The following RAC3 variants were observed in gnomAD, a reference collection of about 807,000 sequenced individuals.
RAC3 encodes ras-related C3 botulinum toxin substrate 3.
Under a neutral mutation model 19.0 loss-of-function variants are expected in RAC3, and 9 were observed. That is an observed-to-expected ratio of 0.47 (90% confidence interval 0.29 to 0.83). The LOEUF (loss-of-function observed/expected upper bound fraction) is 0.83. RAC3 is among the 40% of genes least tolerant of loss of function. The probability of loss-of-function intolerance (pLI) is 0.09; values close to 1 mark genes in which losing one functional copy is unlikely to be tolerated. For missense variants in RAC3, 203 were observed against 260.8 expected (o/e 0.78, Z 1.53); for synonymous variants, 146 against 111.8 (o/e 1.31, Z -1.93).
Position 82,032,518 on chromosome 17 carries a change from G to C in RAC3, c.107+60G>C, listed in dbSNP as rs1474024277. 4.4e-6 allele frequency: 7 copies of C among 1,582,186 alleles called. No homozygotes were observed. The South Asian group carries it at 4.4e-5, about 10-fold the overall frequency. On this transcript the variant is annotated intron_variant, in intron 2 of 5. Coordinates refer to ENST00000306897, the MANE Select transcript of RAC3 (RefSeq NM_005052.3). ...CTCCGTGTGAGTGTGGCATGGGGGG[G>C]ACACGGGCAGGGTCTCCTCTGGGCT... is the stretch of plus-strand genomic sequence containing the variant.
intron 1 of RAC3, 110 bp downstream of exon 1, chr17:82,031,906 G>C (rs2043433495): frequency 1.8e-6 from 1 of 560,866 alleles, no homozygotes; most frequent in Admixed American, 6.7e-5. Context: ...CTCGCGAGGC[G>C]GCCCCGCCGT....
chr17:82,032,833 GTAACAA>G lies in RAC3; in HGVS notation c.225+7_225+12del. ...CCACTCTCCTACCCCCAAACTGTAC[GTAACAA>G]TGGGGCCAGCCCCGGGAGCTGGGGG... On this transcript the variant is annotated splice_donor_region_variant and intron_variant, in intron 3 of 5. Transcript: ENST00000306897. The G allele has an allele frequency of 6.2e-7, 1 of 1,612,748 alleles. No individual in the cohort carries two copies. Among genetic ancestry groups the G allele is most frequent in the Non-Finnish European group, 8.5e-7 (1 of 1,179,658 alleles).
rs1330969062 is a variant in RAC3, at chr17:82,033,327, G to A, written c.289-113G>A. 5.5e-6 allele frequency: 7 copies of A among 1,263,048 alleles called. No individual in the cohort carries two copies. Among genetic ancestry groups the A allele is most frequent in the Non-Finnish European group, 7.5e-6 (7 of 938,130 alleles). The allele number at this position is 1,263,048 out of a possible 1,614,324, so 78.2% of individuals were successfully genotyped here. A position where few individuals can be genotyped will look rare whatever the true frequency, so the allele number is the denominator to read the frequency against. On this transcript the variant is annotated intron_variant, in intron 4 of 5. Coordinates refer to ENST00000306897, the MANE Select transcript of RAC3 (RefSeq NM_005052.3). The surrounding 1 kb of genome is among the most constrained non-coding windows in gnomAD (Gnocchi z 6.2). ...CCCTGGTCACCCCTTGAAGGAAGAA[G>A]AGCCAAGTGTAGCTCTGGAACAGTG...
In RAC3 at chr17:82,034,156, G is replaced by A. The variant is rs1327992921; in HGVS notation, c.*327G>A. Reference sequence around the variant, plus strand: ...GGGAGTTCTGTTCCTTGTGCCCCGAGGTGGGGCAGCCCCTTCTCATTTTAT... The same window carrying A: ...GGGAGTTCTGTTCCTTGTGCCCCGAAGTGGGGCAGCCCCTTCTCATTTTAT... On this transcript the variant is annotated 3_prime_UTR_variant, in exon 6 of 6. Coordinates refer to ENST00000306897, the MANE Select transcript of RAC3 (RefSeq NM_005052.3). 3 of 253,776 alleles carry A rather than the reference G, an allele frequency of 1.2e-5. No homozygotes were observed. Among genetic ancestry groups the A allele is most frequent in the Non-Finnish European group, 2.3e-5 (3 of 130,392 alleles). The allele number at this position is 253,776 out of a possible 1,614,324, so 15.7% of individuals were successfully genotyped here.
intron 1 of RAC3, 194 bp from the exon 2 acceptor site, chr17:82,032,193 C>T (rs578193616): frequency 3.3e-6 from 2 of 601,098 alleles, no homozygotes; most frequent in East Asian, 5.6e-5. Flanking sequence ...CCCTTATTCA[C>T]CACCCCAGCC....
rs371297819 is a variant in RAC3, at chr17:82,032,480, G to T, written c.107+22G>T. ...CCGTGTGAGTGTGGGGGCTTCCCGGGAGAGCACAGGCCCTCCGTGTGAGTG... is the reference window on the plus strand; with the variant it reads ...CCGTGTGAGTGTGGGGGCTTCCCGGTAGAGCACAGGCCCTCCGTGTGAGTG... On this transcript the variant is annotated intron_variant, in intron 2 of 5. Coordinates refer to ENST00000306897, the MANE Select transcript of RAC3 (RefSeq NM_005052.3). 6.1e-5 allele frequency: 99 copies of T among 1,610,678 alleles called. No individual in the cohort carries two copies. In the East Asian group the frequency reaches 2.0e-3, roughly 32 times the overall value.
In RAC3 at chr17:82,032,473, T is replaced by C. The variant is rs1292125061; in HGVS notation, c.107+15T>C. On this transcript the variant is annotated intron_variant, in intron 2 of 5. Coordinates refer to ENST00000306897, the MANE Select transcript of RAC3 (RefSeq NM_005052.3). Reference sequence around the variant, plus strand: ...ATCCCCACCGTGTGAGTGTGGGGGCTTCCCGGGAGAGCACAGGCCCTCCGT... The same window carrying C: ...ATCCCCACCGTGTGAGTGTGGGGGCCTCCCGGGAGAGCACAGGCCCTCCGT... The C allele has an allele frequency of 1.2e-6, 2 of 1,611,644 alleles. No homozygotes were observed. The highest frequency in any genetic ancestry group is 2.7e-5 in the African/African-American group (2 of 75,026).
rs561408315 is a variant in RAC3 at position 82,032,362 on chromosome 17, G to A, written c.36-25G>A. 4 of 1,611,692 alleles carry A rather than the reference G, an allele frequency of 2.5e-6. No individual in the cohort carries two copies. In the South Asian group the frequency reaches 3.3e-5, roughly 13 times the overall value. On this transcript the variant is annotated intron_variant, in intron 1 of 5. Transcript: ENST00000306897. ...AGAGGGTCCGAGGCCGGGCCCGGGA[G>A]CCACGTGGCTTGCCCTGTCCGCAGC...
At chr17:82,031,903 G>C in intron 1 of RAC3, 107 bp downstream of exon 1, 1 of 605,446 alleles carries the variant, frequency 1.7e-6, no homozygotes. Context: ...GTCCTCGCGA[G>C]GCGGCCCCGC....
In RAC3 at chr17:82,033,564, C is replaced by T. The variant is rs759289519; in HGVS notation, c.413C>T (p.Thr138Ile). ...RLRDKKLAPI[T>I]YPQGLAMARE... ...CGGGACAAGAAGCTGGCACCCATCA[C>T]CTACCCACAGGGCCTGGCCATGGCC... The change falls in exon 5 of 6, where the codon ACC becomes ATC. Residue 138 changes from threonine to isoleucine, a missense_variant. Physicochemically the swap from Thr to Ile is moderately conservative, Grantham distance 89. Around this residue, in one of 3 missense-constraint regions of RAC3, gnomAD observed 142 missense variants for 158.2 expected, o/e 0.90. Coordinates refer to ENST00000306897, the MANE Select transcript of RAC3 (RefSeq NM_005052.3). The surrounding 1 kb of genome is among the most constrained non-coding windows in gnomAD (Gnocchi z 6.2). The T allele has an allele frequency of 2.0e-5, 32 of 1,612,496 alleles. No individual in the cohort carries two copies. Among genetic ancestry groups the T allele is most frequent in the Non-Finnish European group, 2.3e-5 (27 of 1,179,656 alleles).
intron 1 of RAC3, 23 bp downstream of exon 1, chr17:82,031,819 G>T (rs1278296475): frequency 1.0e-6 from 1 of 967,666 alleles, no homozygotes; most frequent in Non-Finnish European, 1.2e-6. Flanking sequence ...CCCGGAGGCC[G>T]CTTGGCTGGG....
chr17:82,031,688 G>C lies in RAC3; in HGVS notation c.-74G>C. ...GGCCGATCGCTCGGCGCTCGGGTCC[G>C]CGGCCGCTGCGGCGCCGGGCATTTC... On this transcript the variant is annotated 5_prime_UTR_variant, in exon 1 of 6. Coordinates refer to ENST00000306897, the MANE Select transcript of RAC3 (RefSeq NM_005052.3). 1 of 898,184 alleles carries C rather than the reference G, an allele frequency of 1.1e-6. No individual in the cohort carries two copies. Among genetic ancestry groups the C allele is most frequent in the Non-Finnish European group, 1.3e-6 (1 of 752,624 alleles). The allele number at this position is 898,184 out of a possible 1,614,324, so 55.6% of individuals were successfully genotyped here.
chr17:82,033,930 C>A lies in RAC3; in HGVS notation c.*101C>A. ...GTGTCCCTGAGTCGGCTGTGGGGAG[C>A]GGTGGGGGTGGGCCGGGGGGAAGCA... is the stretch of plus-strand genomic sequence containing the variant. On this transcript the variant is annotated 3_prime_UTR_variant, in exon 6 of 6. Transcript: ENST00000306897. This position sits in a 1 kb window ranked among gnomAD's most constrained non-coding sequence, Gnocchi z 6.2. 9.7e-7 allele frequency: 1 copy of A among 1,031,734 alleles called. No individual in the cohort carries two copies. The allele number at this position is 1,031,734 out of a possible 1,614,324, so 63.9% of individuals were successfully genotyped here.
chr17:82,032,478 G>A lies in RAC3; in HGVS notation c.107+20G>A, dbSNP rs1444520655. 1.2e-6 allele frequency: 2 copies of A among 1,611,462 alleles called. No individual in the cohort carries two copies. Among genetic ancestry groups the A allele is most frequent in the Non-Finnish European group, 8.5e-7 (1 of 1,178,738 alleles). ...CACCGTGTGAGTGTGGGGGCTTCCC[G>A]GGAGAGCACAGGCCCTCCGTGTGAG... On this transcript the variant is annotated intron_variant, in intron 2 of 5. Transcript: ENST00000306897.
At chr17:82,032,496 C>T (rs761553011) in intron 2 of RAC3, 38 bp downstream of exon 2, 78 of 1,604,510 alleles carry the variant, frequency 4.9e-5, no homozygotes, top group Non-Finnish European at 6.3e-5. Context: ...ACAGGCCCTC[C>T]GTGTGAGTGT....
chr17:82,033,938 G>A lies in RAC3; in HGVS notation c.*109G>A. 7 of 1,387,506 alleles carry A rather than the reference G, an allele frequency of 5.0e-6. No individual in the cohort carries two copies. The highest frequency in any genetic ancestry group is 1.4e-5 in the African/African-American group (1 of 69,696). 85.9% of individuals were successfully genotyped at this position (1,387,506 alleles called of 1,614,324 possible). On this transcript the variant is annotated 3_prime_UTR_variant, in exon 6 of 6. Coordinates refer to ENST00000306897, the MANE Select transcript of RAC3 (RefSeq NM_005052.3). This position sits in a 1 kb window ranked among gnomAD's most constrained non-coding sequence, Gnocchi z 6.2. ...GAGTCGGCTGTGGGGAGCGGTGGGG[G>A]TGGGCCGGGGGGAAGCATGGGGATG...
Position 82,033,532 on chromosome 17 carries a change from G to C in RAC3, c.381G>C (p.Glu127Asp). ...TCCGCGACGACAAGGACACCATTGA[G>C]CGGCTGCGGGACAAGAAGCTGGCAC... is the stretch of plus-strand genomic sequence containing the variant. ...LDLRDDKDTI[E>D]RLRDKKLAPI... Residue 127 changes from glutamate to aspartate, a missense_variant, in exon 5 of 6, where the codon GAG becomes GAC. Physicochemically the swap from Glu to Asp is conservative, Grantham distance 45. This residue lies in a region of RAC3 where 142 missense variants were observed against 158.2 expected (regional missense o/e 0.90). Coordinates refer to ENST00000306897, the MANE Select transcript of RAC3 (RefSeq NM_005052.3). The surrounding 1 kb of genome is among the most constrained non-coding windows in gnomAD (Gnocchi z 6.2). 6.2e-7 allele frequency: 1 copy of C among 1,612,934 alleles called. No individual in the cohort carries two copies. The highest frequency in any genetic ancestry group is 8.5e-7 in the Non-Finnish European group (1 of 1,179,830).
At position 82,033,563 on chromosome 17, in the gene RAC3, A is replaced by G. The variant is rs776400647; in HGVS notation, c.412A>G (p.Thr138Ala). The part of the protein sequence containing the change: ...RLRDKKLAPI[T>A]YPQGLAMARE... The stretch of plus-strand genomic sequence containing the variant: ...GCGGGACAAGAAGCTGGCACCCATC[A>G]CCTACCCACAGGGCCTGGCCATGGC... Residue 138 changes from threonine (T) to alanine (A), a missense_variant, in exon 5 of 6, where the codon ACC (threonine) becomes GCC (alanine). Coordinates refer to ENST00000306897, the MANE Select transcript of RAC3 (RefSeq NM_005052.3). This position sits in a 1 kb window ranked among gnomAD's most constrained non-coding sequence, Gnocchi z 6.2. 1.9e-6 allele frequency: 3 copies of G among 1,612,386 alleles called. No homozygotes were observed. Among genetic ancestry groups the G allele is most frequent in the South Asian group, 1.1e-5 (1 of 91,052 alleles).
Position 82,033,963 on chromosome 17 carries a change from G to C in RAC3, c.*134G>C. ...GTGGGCCGGGGGGAAGCATGGGGAT[G>C]AGGCTGGGTGGCAGGATCCTGTCCT... On this transcript the variant is annotated 3_prime_UTR_variant, in exon 6 of 6. Transcript: ENST00000306897. The surrounding 1 kb of genome is among the most constrained non-coding windows in gnomAD (Gnocchi z 6.2). 3.3e-6 allele frequency: 4 copies of C among 1,210,374 alleles called. No homozygotes were observed. Among genetic ancestry groups the C allele is most frequent in the Non-Finnish European group, 4.5e-6 (4 of 882,812 alleles). The allele number at this position is 1,210,374 out of a possible 1,614,324, so 75.0% of individuals were successfully genotyped here.
Sources: allele counts gnomAD v4.1 joint callset, GRCh38; gene constraint gnomAD v4.1.1; regional missense constraint gnomAD v4.1.1; non-coding constraint Gnocchi (gnomAD v3.1); transcripts MANE v1.5; gene names NCBI Gene and HGNC (gene_info 2026-07-23, HGNC 2026-07-21).